Variants in RIN2 observed in about 807,000 individuals in gnomAD.
RIN2 encodes Ras and Rab interactor 2.
In RIN2, 36 loss-of-function variants were observed where a neutral mutation model predicts 78.0. The ratio of observed to expected loss-of-function variants is 0.46; its 90% confidence interval spans 0.35 to 0.61. The LOEUF is 0.61. RIN2 is among the 20% of genes least tolerant of loss of function. The probability of loss-of-function intolerance (pLI) is 0.00; values close to 1 mark genes in which losing one functional copy is unlikely to be tolerated. For missense variants in RIN2, 1,087 were observed against 1,159.7 expected (o/e 0.94, Z 0.91); for synonymous variants, 466 against 466.8 (o/e 1.00, Z 0.02).
At chr20:19,770,599 G>C (rs966386751) in intron 1 of RIN2, among the ~76,000 whole-genome samples, 1 of 150,794 alleles carries the variant, frequency 6.6e-6, no homozygotes, top group Non-Finnish European at 1.5e-5. Context: ...TCACCACCAA[G>C]CTCTGCAACT....
At chr20:19,933,057 C>T (rs559843429) in intron 3 of RIN2, among the ~76,000 whole-genome samples, 17 of 152,188 alleles carry the variant, frequency 1.1e-4, no homozygotes, top group Non-Finnish European at 2.4e-4. Context: ...TCTAGTTCCA[C>T]CACTACCACC....
intron 2 of RIN2, among the ~76,000 whole-genome samples, chr20:19,833,315 G>T (rs2123017827): frequency 6.8e-6 from 1 of 147,560 alleles, no homozygotes; most frequent in Admixed American, 6.9e-5. Context: ...TAAGTTCCAG[G>T]ATGCACGTGC....
At chr20:19,906,673 C>T (rs142991224) in intron 3 of RIN2, among the ~76,000 whole-genome samples, 123 of 152,088 alleles carry the variant, frequency 8.1e-4, no homozygotes, top group Non-Finnish European at 1.7e-3. Context: ...GCATCACCAT[C>T]GTGGTCCAGG....
intron 2 of RIN2, among the ~76,000 whole-genome samples, chr20:19,812,214 T>A (rs2035626840): frequency 6.6e-6 from 1 of 152,226 alleles, no homozygotes; most frequent in Non-Finnish European, 1.5e-5. Context: ...TATTTTCACT[T>A]CTCTTGAGTA....
intron 1 of RIN2, among the ~76,000 whole-genome samples, chr20:19,776,364 C>T (rs2034309745): frequency 6.6e-6 from 1 of 152,206 alleles, no homozygotes; most frequent in Non-Finnish European, 1.5e-5. Flanking sequence ...CATGACAAAA[C>T]TTTACTCTCC....
chr20:19,919,816 A>G (rs1454346488), intron 3 of RIN2, among the ~76,000 whole-genome samples: 1 of 152,140 alleles, frequency 6.6e-6, no homozygotes, highest in African/African-American at 2.4e-5. Context: ...AATAAAATAA[A>G]TAAAAATGTG....
intron 9 of RIN2, 115 bp from the exon 10 acceptor site, chr20:19,989,891 A>T: frequency 9.6e-7 from 1 of 1,039,728 alleles, no homozygotes. Context: ...TAAGGTGTAC[A>T]ATTTGTGTGC....
At chr20:19,979,909 A>G (rs1212453335) in intron 9 of RIN2, among the ~76,000 whole-genome samples, 1 of 151,844 alleles carries the variant, frequency 6.6e-6, no homozygotes. Flanking sequence ...GCCAGGCATG[A>G]TGGTGGATGC....
At chr20:19,779,244 A>G (rs776693418) in intron 1 of RIN2, among the ~76,000 whole-genome samples, 1 of 152,160 alleles carries the variant, frequency 6.6e-6, no homozygotes, top group Non-Finnish European at 1.5e-5. Flanking sequence ...AGTTTTATAT[A>G]GCAAATGCTG....
At chr20:19,890,272 G>C (rs555192354) in intron 3 of RIN2, among the ~76,000 whole-genome samples, 1 of 152,024 alleles carries the variant, frequency 6.6e-6, no homozygotes, top group African/African-American at 2.4e-5. Flanking sequence ...ATTTTAAATG[G>C]GTGTTTTATG....
At chr20:19,947,754 C>T (rs2041152059) in intron 4 of RIN2, among the ~76,000 whole-genome samples, 1 of 152,212 alleles carries the variant, frequency 6.6e-6, no homozygotes, top group Non-Finnish European at 1.5e-5. Context: ...TCAGGGAGTG[C>T]CTGGCCAGAA....
At chr20:19,978,732 C>T (rs2042359206) in intron 9 of RIN2, among the ~76,000 whole-genome samples, 1 of 152,220 alleles carries the variant, frequency 6.6e-6, no homozygotes, top group African/African-American at 2.4e-5. Context: ...GGGCTCGTTC[C>T]TGTGTGTGCC....
chr20:19,889,089 C>T (rs778028228), intron 2 of RIN2: 109 of 980,976 alleles, frequency 1.1e-4, no homozygotes, highest in Non-Finnish European at 1.3e-4. Context: ...TCCCAGTGCC[C>T]TTCTGTTGAC....
chr20:19,870,583 G>T (rs988637949), intron 2 of RIN2, among the ~76,000 whole-genome samples: 1 of 152,174 alleles, frequency 6.6e-6, no homozygotes, highest in African/African-American at 2.4e-5. Flanking sequence ...GGAGGCAGAG[G>T]TTGCAGTGAG....
chr20:19,849,622 C>A (rs749521509), intron 2 of RIN2, among the ~76,000 whole-genome samples: 1 of 152,196 alleles, frequency 6.6e-6, no homozygotes, highest in East Asian at 1.9e-4. Context: ...CCTGGCACCA[C>A]GGACTGTTTT....
At chr20:19,817,092 T>G (rs1161860167) in intron 2 of RIN2, among the ~76,000 whole-genome samples, 1 of 152,180 alleles carries the variant, frequency 6.6e-6, no homozygotes, top group Non-Finnish European at 1.5e-5. Flanking sequence ...AATCCTTGCC[T>G]TCCATAATGG....
intron 2 of RIN2, among the ~76,000 whole-genome samples, chr20:19,851,023 AAG>A (rs1568814832): frequency 1.2e-3 from 147 of 121,748 alleles, no homozygotes; most frequent in African/African-American, 5.4e-3. Flanking sequence ...GGAAGGAAGG[AAG>A]GAAGGAAGGA....
intron 2 of RIN2, among the ~76,000 whole-genome samples, chr20:19,813,573 T>C (rs1404510278): frequency 1.3e-5 from 2 of 151,748 alleles, no homozygotes; most frequent in African/African-American, 4.8e-5. Context: ...CAGGTTATAA[T>C]AGGAATTACA....
intron 11 of RIN2, 60 bp downstream of exon 11, chr20:19,992,359 T>G: frequency 6.8e-7 from 1 of 1,478,352 alleles, no homozygotes; most frequent in Non-Finnish European, 9.1e-7. Context: ...TTTTTTATAA[T>G]TGAGACGAAA....
Sources: gnomAD v4.1 joint callset for allele counts (sites outside exome capture counted in the v4.1 genomes callset) on GRCh38, gnomAD v4.1.1 for gene constraint, MANE v1.5 for transcripts, NCBI Gene and HGNC (gene_info 2026-07-23, HGNC 2026-07-21) for gene names.